Variants in MISP observed in about 807,000 individuals in gnomAD.
MISP encodes mitotic interactor and substrate of PLK1.
A neutral mutation model predicts 49.3 loss-of-function variants in MISP; 51 were observed. That is an observed-to-expected ratio of 1.03 (90% CI 0.83 to 1.31). MISP has a LOEUF of 1.31. MISP is among the 50% of genes most tolerant of loss of function. MISP has a pLI of 0.00. For missense variants in MISP, 1,084 were observed against 935.1 expected (o/e 1.16, Z -2.08); for synonymous variants, 444 against 392.6 (o/e 1.13, Z -1.55).
chr19:750,950 G>A (rs142753633), upstream of MISP, among the ~76,000 whole-genome samples: 556 of 152,230 alleles, frequency 3.7e-3, 4 homozygotes, highest in African/African-American at 0.013. Context: ...CAGCGGGCAC[G>A]GTGCCCGCCC....
chr19:757,035 C>G lies in MISP; in HGVS notation c.89C>G (p.Thr30Arg). 6.2e-7 allele frequency: 1 copy of G among 1,607,634 alleles called. No homozygotes were observed. Reference protein sequence around the residue: ...GLVLDGDTSYTYHLVCMGPEA... With the variant: ...GLVLDGDTSYRYHLVCMGPEA... ...GTGCTGGATGGAGACACCAGCTACA[C>G]ATACCATCTGGTGTGCATGGGCCCC... The change falls in exon 2 of 5, where the codon ACA (threonine) becomes AGA (arginine). Residue 30 changes from threonine to arginine, a missense_variant. Transcript: ENST00000215582.
At chr19:754,169 T>A (rs562731669) in intron 1 of MISP, among the ~76,000 whole-genome samples, 1 of 152,154 alleles carries the variant, frequency 6.6e-6, no homozygotes, top group Admixed American at 6.5e-5. Context: ...ATACAAAAAT[T>A]AGCCGGGTGT....
rs778438756 is a variant in MISP, at chr19:758,045, C to T, written c.1099C>T (p.Arg367Trp). ...QETQREEDHRREGLHVGRAST... is the reference protein window; with the variant it reads ...QETQREEDHRWEGLHVGRAST... ...GACACAGCGTGAGGAAGACCACCGG[C>T]GGGAGGGCCTGCACGTGGGCCGGGC... The change falls in exon 2 of 5, where the codon CGG (arginine) becomes TGG (tryptophan). Residue 367 changes from arginine (R) to tryptophan (W), a missense_variant. By Grantham distance (101) the Arg-to-Trp change is moderately radical. Transcript: ENST00000215582. The T allele has an allele frequency of 2.6e-5, 41 of 1,566,386 alleles. No homozygotes were observed. Among genetic ancestry groups the T allele is most frequent in the Admixed American group, 7.1e-5 (4 of 56,286 alleles).
chr19:749,173 G>T (rs890400682), upstream of MISP, among the ~76,000 whole-genome samples: 5 of 152,128 alleles, frequency 3.3e-5, no homozygotes, highest in Non-Finnish European at 7.4e-5. Flanking sequence ...GCCCTGAGTG[G>T]GAGGCCAGCC....
chr19:763,187 G>A (rs952710986), intron 4 of MISP, among the ~76,000 whole-genome samples: 2 of 152,220 alleles, frequency 1.3e-5, no homozygotes, highest in Non-Finnish European at 2.9e-5. Context: ...TGAGGCAGGA[G>A]AATGGTGTGA....
rs199830705 is a variant in MISP, at chr19:757,731, G to C, written c.785G>C (p.Arg262Pro). The C allele has an allele frequency of 6.2e-7, 1 of 1,613,892 alleles. No individual in the cohort carries two copies. The highest frequency in any genetic ancestry group is 2.2e-5 in the East Asian group (1 of 44,872). The change falls in exon 2 of 5, where the codon CGT (arginine) becomes CCT (proline). Residue 262 changes from arginine to proline, a missense_variant. Physicochemically the swap from Arg to Pro is moderately radical, Grantham distance 103 (BLOSUM62 -2). Coordinates refer to ENST00000215582, the MANE Select transcript of MISP (RefSeq NM_173481.4). ...KGVVREENKV[R>P]AVPTWASVQV... Reference sequence around the variant, plus strand: ...GTGGTCAGGGAAGAGAACAAGGTGCGTGCTGTGCCCACCTGGGCCAGTGTC... The same window carrying C: ...GTGGTCAGGGAAGAGAACAAGGTGCCTGCTGTGCCCACCTGGGCCAGTGTC...
At chr19:763,283 A>T (rs1357608825) in intron 4 of MISP, among the ~76,000 whole-genome samples, 1 of 152,218 alleles carries the variant, frequency 6.6e-6, no homozygotes, top group Non-Finnish European at 1.5e-5. Context: ...TCTCAAAAAC[A>T]AACAAAAAAG....
In MISP at chr19:757,271, T is replaced by C. The variant is rs748433618; in HGVS notation, c.325T>C (p.Trp109Arg). The change falls in exon 2 of 5, where the codon TGG (tryptophan) becomes CGG (arginine). Residue 109 changes from tryptophan (W) to arginine (R), a missense_variant. Transcript: ENST00000215582. ...GGATGCCCACCAGGGACGTCCAACATGGGCACTCCGCCCAGAGGACGGGGA... is the reference window on the plus strand; with the variant it reads ...GGATGCCCACCAGGGACGTCCAACACGGGCACTCCGCCCAGAGGACGGGGA... ...ARDAHQGRPTWALRPEDGEDK... is the reference protein window; with the variant it reads ...ARDAHQGRPTRALRPEDGEDK... The C allele has an allele frequency of 5.8e-5, 93 of 1,613,768 alleles. No individual in the cohort carries two copies. The highest frequency in any genetic ancestry group is 7.8e-5 in the Non-Finnish European group (92 of 1,179,960).
rs139949935 is a variant in MISP, at chr19:756,914, G to T, written c.-33G>T. The T allele has an allele frequency of 6.8e-7, 1 of 1,477,236 alleles. No homozygotes were observed. The highest frequency in any genetic ancestry group is 9.0e-7 in the Non-Finnish European group (1 of 1,106,560). The allele number at this position is 1,477,236 out of a possible 1,614,324, so 91.5% of individuals were successfully genotyped here. On this transcript the variant is annotated 5_prime_UTR_variant, in exon 2 of 5. Transcript: ENST00000215582. ...GTAAGCCCAGAGGTCTCCACCCCACGGGAGGAAGGCTGAGGCCAAGACCCC... is the reference window on the plus strand; with the variant it reads ...GTAAGCCCAGAGGTCTCCACCCCACTGGAGGAAGGCTGAGGCCAAGACCCC...
chr19:762,737 C>A (rs2033693608), intron 4 of MISP, among the ~76,000 whole-genome samples: 1 of 152,126 alleles, frequency 6.6e-6, no homozygotes, highest in African/African-American at 2.4e-5. Context: ...CAGCTCACTG[C>A]AACCTTGACC....
At chr19:761,213 C>T (rs1156847501) in intron 3 of MISP, among the ~76,000 whole-genome samples, 5 of 149,004 alleles carry the variant, frequency 3.4e-5, no homozygotes, top group African/African-American at 1.2e-4. Flanking sequence ...CCTCGGCCTC[C>T]CGTGTAGCTG....
upstream of MISP, among the ~76,000 whole-genome samples, chr19:749,220 G>A (rs369245584): frequency 6.6e-6 from 1 of 152,212 alleles, no homozygotes; most frequent in Non-Finnish European, 1.5e-5. Context: ...AGTGCCCCCA[G>A]CTCATGGGCG....
At chr19:762,827 T>G (rs1344409710) in intron 4 of MISP, among the ~76,000 whole-genome samples, 1 of 151,790 alleles carries the variant, frequency 6.6e-6, no homozygotes, top group African/African-American at 2.4e-5. Context: ...GATAGTTTAT[T>G]TTTATTTATT....
At chr19:754,923 T>C (rs531850012) in intron 1 of MISP, among the ~76,000 whole-genome samples, 2 of 95,564 alleles carry the variant, frequency 2.1e-5, no homozygotes, top group Non-Finnish European at 4.4e-5. Flanking sequence ...AAGAGGAGGG[T>C]CTGGTTTGGG....
intron 1 of MISP, among the ~76,000 whole-genome samples, chr19:756,330 G>A (rs1262321792): frequency 6.6e-6 from 1 of 152,200 alleles, no homozygotes; most frequent in African/African-American, 2.4e-5. Context: ...AATTACAGAG[G>A]CCAGAGGGTG....
rs1252389574 is a variant in MISP at position 764,281 on chromosome 19, C to G, written c.*691C>G. On this transcript the variant is annotated 3_prime_UTR_variant, in exon 5 of 5. Transcript: ENST00000215582. ...CTGGAGGGGGGTCTTTGTCCCCCAC[C>G]CCCAAACTGCCCTGAAATAAACCTG... 1 of 152,318 alleles carries G rather than the reference C, an allele frequency of 6.6e-6. No homozygotes were observed. Among genetic ancestry groups the G allele is most frequent in the Non-Finnish European group, 1.5e-5 (1 of 68,146 alleles). The allele number at this position is 152,318 out of a possible 1,614,324, so 9.4% of individuals were successfully genotyped here.
chr19:750,898 C>A (rs939948136), upstream of MISP, among the ~76,000 whole-genome samples: 2 of 152,308 alleles, frequency 1.3e-5, no homozygotes, highest in African/African-American at 4.8e-5. Context: ...GTTCTGGCTC[C>A]TCGGGGCCAC....
intron 1 of MISP, among the ~76,000 whole-genome samples, chr19:752,872 C>T (rs1291144620): frequency 6.6e-6 from 1 of 152,228 alleles, no homozygotes; most frequent in Non-Finnish European, 1.5e-5. Context: ...TGGACCTGCC[C>T]AGCCCTTCAG....
In MISP at chr19:757,337, G is replaced by T. The variant is rs147697749; in HGVS notation, c.391G>T (p.Ala131Ser). Residue 131 changes from alanine to serine, a missense_variant, in exon 2 of 5, where the codon GCT (alanine) becomes TCT (serine). Physicochemically the swap from Ala to Ser is moderately conservative, Grantham distance 99. Coordinates refer to ENST00000215582, the MANE Select transcript of MISP (RefSeq NM_173481.4). ...MKTYRLDAGD[A>S]DPRRLCDLER... Reference sequence around the variant, plus strand: ...GACCTACCGCCTGGATGCTGGGGACGCTGACCCCAGGAGGCTGTGTGACCT... The same window carrying T: ...GACCTACCGCCTGGATGCTGGGGACTCTGACCCCAGGAGGCTGTGTGACCT... 21 of 1,613,706 alleles carry T rather than the reference G, an allele frequency of 1.3e-5. No homozygotes were observed. The highest frequency in any genetic ancestry group is 1.8e-5 in the Non-Finnish European group (21 of 1,179,910).
Sources: allele counts gnomAD v4.1 joint callset (sites outside exome capture counted in the v4.1 genomes callset), GRCh38; gene constraint gnomAD v4.1.1; transcripts MANE v1.5; gene names NCBI Gene and HGNC (gene_info 2026-07-23, HGNC 2026-07-21).